Variants in NSMCE1 observed in about 807,000 individuals in gnomAD.
The protein encoded by NSMCE1 is NSE1 component of SMC5/6 complex.
In NSMCE1, 18 loss-of-function variants were observed where a neutral mutation model predicts 29.6. That is an observed-to-expected ratio of 0.61 (90% CI 0.42 to 0.90). NSMCE1 has a LOEUF of 0.90. Ranked by LOEUF, NSMCE1 falls within the 40% of genes least tolerant of loss-of-function variation. NSMCE1 has a pLI of 0.00. For synonymous variants in NSMCE1, 124 were observed against 133.4 expected (o/e 0.93, Z 0.49); for missense variants, 314 against 343.6 (o/e 0.91, Z 0.68).
At chr16:27,256,020 A>C (rs1316326552) in intron 2 of NSMCE1, among the ~76,000 whole-genome samples, 1 of 152,132 alleles carries the variant, frequency 6.6e-6, no homozygotes, top group Non-Finnish European at 1.5e-5. Flanking sequence ...TTCACAGCTC[A>C]CTGCAAGGAG....
chr16:27,238,370 C>T (rs1199863339), intron 2 of NSMCE1, among the ~76,000 whole-genome samples: 8 of 152,222 alleles, frequency 5.3e-5, no homozygotes, highest in Non-Finnish European at 1.0e-4. Context: ...CAGGCCTTCC[C>T]CAACCAGATA....
rs540027035 is a variant in NSMCE1, at chr16:27,235,181, C to T, written c.255G>A (p.Ala85=). Residue 85 remains alanine (A), a synonymous_variant, in exon 3 of 8, where the codon GCG becomes GCA. Transcript: ENST00000361439. ...GAGGGCTCTGCCGGGCACTCACCAA[C>T]GCATAAATGGGTCTCCCATCATCTT... ...VTEDDGRPIY[A]LVNLATTSIS... is the part of the protein sequence containing the mutation. The T allele has an allele frequency of 4.5e-5, 72 of 1,613,784 alleles. No individual in the cohort carries two copies. Among genetic ancestry groups the T allele is most frequent in the East Asian group, 3.6e-4 (16 of 44,876 alleles).
Position 27,257,584 on chromosome 16 carries a change from G to A in NSMCE1, c.-11-3C>T, listed in dbSNP as rs775267259. On this transcript the variant is annotated splice_region_variant and splice_polypyrimidine_tract_variant and intron_variant, in intron 1 of 7. Transcript: ENST00000361439. ...GCTGCCCTGCATGTGGGAACGAACT[G>A]AAAAGGAAGTAAATGACACTAGTCA... is the stretch of plus-strand genomic sequence containing the variant. 1 of 1,605,848 alleles carries A rather than the reference G, an allele frequency of 6.2e-7. No homozygotes were observed. Among genetic ancestry groups the A allele is most frequent in the South Asian group, 1.1e-5 (1 of 90,040 alleles).
At chr16:27,226,125 G>A (rs746046284) in intron 6 of NSMCE1, 21 of 324,850 alleles carry the variant, frequency 6.5e-5, no homozygotes, top group Non-Finnish European at 9.2e-5. Flanking sequence ...TGCAGGTGGC[G>A]TGTGGACAGC....
At chr16:27,263,280 C>T (rs1567285947) in intron 1 of NSMCE1, among the ~76,000 whole-genome samples, 1 of 152,156 alleles carries the variant, frequency 6.6e-6, no homozygotes, top group Non-Finnish European at 1.5e-5. Context: ...GAAGCAAAGA[C>T]ATGGAATCAA....
intron 5 of NSMCE1, among the ~76,000 whole-genome samples, 187 bp from the exon 6 acceptor site, chr16:27,227,023 G>A (rs997791360): frequency 6.6e-6 from 1 of 152,222 alleles, no homozygotes; most frequent in African/African-American, 2.4e-5. Context: ...GGAAACTGAG[G>A]CAAAGACCCT....
rs969049721 is a variant in NSMCE1 at position 27,225,065 on chromosome 16, C to T, written c.*92G>A. The T allele has an allele frequency of 2.9e-5, 21 of 730,264 alleles. No individual in the cohort carries two copies. The highest frequency in any genetic ancestry group is 8.8e-5 in the African/African-American group (5 of 56,998). The allele number at this position is 730,264 out of a possible 1,614,324, so 45.2% of individuals were successfully genotyped here. On this transcript the variant is annotated 3_prime_UTR_variant, in exon 8 of 8. Transcript: ENST00000361439. ...ACATTAAGACGAAAGAGGTGACTCGCGTGGAACCTGAAACACGGACGCCTT... is the reference window on the plus strand; with the variant it reads ...ACATTAAGACGAAAGAGGTGACTCGTGTGGAACCTGAAACACGGACGCCTT...
chr16:27,251,207 T>TATATATATATATATATAA (rs1555477430), intron 2 of NSMCE1, among the ~76,000 whole-genome samples: 15 of 70,762 alleles, frequency 2.1e-4, no homozygotes, highest in Non-Finnish European at 3.8e-4. Context: ...TATATATATA[T>TATATATATATATATATAA]AAAACTCTGT....
In NSMCE1 at chr16:27,226,707, G is replaced by A. The variant is rs1225349597; in HGVS notation, c.600+13C>T. 1.3e-6 allele frequency: 2 copies of A among 1,570,940 alleles called. No individual in the cohort carries two copies. The highest frequency in any genetic ancestry group is 3.3e-5 in the Admixed American group (2 of 59,920). On this transcript the variant is annotated intron_variant, in intron 6 of 7. Coordinates refer to ENST00000361439, the MANE Select transcript of NSMCE1 (RefSeq NM_145080.4). ...GCCCAGTGATGAGCTCCCGTGCCCT[G>A]CCCTGCGGGTACCTGGATGAGGAGG...
chr16:27,247,478 C>T lies in NSMCE1; in HGVS notation c.136+9957G>A, dbSNP rs910144266. ...GTTTTGGGTATGTCTTTATTAGCAGCGCGAGAACGGACTAATACACTCACC... is the reference window on the plus strand; with the variant it reads ...GTTTTGGGTATGTCTTTATTAGCAGTGCGAGAACGGACTAATACACTCACC... On this transcript the variant is annotated intron_variant, in intron 2 of 7. Transcript: ENST00000361439. Among the ~76,000 whole-genome samples, 8 of 152,134 alleles carry T rather than the reference C, an allele frequency of 5.3e-5. No homozygotes were observed. In the South Asian group the frequency reaches 1.4e-3, roughly 28 times the overall value.
At chr16:27,259,534 T>C (rs1313791753) in intron 1 of NSMCE1, among the ~76,000 whole-genome samples, 1 of 152,030 alleles carries the variant, frequency 6.6e-6, no homozygotes, top group African/African-American at 2.4e-5. Flanking sequence ...CCTAGCTGTG[T>C]TTTAGGGAGA....
intron 2 of NSMCE1, among the ~76,000 whole-genome samples, chr16:27,237,891 T>C (rs146652761): frequency 1.8e-4 from 27 of 152,244 alleles, no homozygotes; most frequent in African/African-American, 5.5e-4. Context: ...CCTCCTACTG[T>C]ACTCGCTCAC....
At chr16:27,251,205 T>A (rs4238951) in intron 2 of NSMCE1, among the ~76,000 whole-genome samples, 19 of 69,390 alleles carry the variant, frequency 2.7e-4, no homozygotes, top group African/African-American at 1.4e-3. Context: ...TATATATATA[T>A]ATAAAACTCT....
At chr16:27,225,448 C>A (rs1012007126) in intron 7 of NSMCE1, among the ~76,000 whole-genome samples, 2 of 152,238 alleles carry the variant, frequency 1.3e-5, no homozygotes, top group African/African-American at 4.8e-5. Flanking sequence ...ATAGCTTTCA[C>A]GTCCCCCTCC....
intron 2 of NSMCE1, among the ~76,000 whole-genome samples, chr16:27,252,536 A>G (rs750040518): frequency 8.6e-5 from 13 of 151,900 alleles, no homozygotes; most frequent in Non-Finnish European, 1.6e-4. Context: ...GAATCCCAAC[A>G]TTTTGGAAGG....
intron 2 of NSMCE1, among the ~76,000 whole-genome samples, chr16:27,246,005 T>C (rs1329120878): frequency 1.3e-5 from 2 of 152,146 alleles, no homozygotes; most frequent in African/African-American, 4.8e-5. Context: ...TGATTCACCA[T>C]CAACGCACGT....
chr16:27,237,048 G>T (rs988530255), intron 2 of NSMCE1, among the ~76,000 whole-genome samples: 1 of 152,232 alleles, frequency 6.6e-6, no homozygotes, highest in African/African-American at 2.4e-5. Context: ...CTCTGTCAGA[G>T]GATCAGACTG....
At chr16:27,242,163 T>C (rs895582062) in intron 2 of NSMCE1, among the ~76,000 whole-genome samples, 2 of 152,196 alleles carry the variant, frequency 1.3e-5, no homozygotes, top group Admixed American at 6.5e-5. Flanking sequence ...TTTTCCATAA[T>C]AAAATGTTGT....
At chr16:27,256,845 T>C (rs533612282) in intron 2 of NSMCE1, among the ~76,000 whole-genome samples, 1 of 152,346 alleles carries the variant, frequency 6.6e-6, no homozygotes, top group East Asian at 1.9e-4. Flanking sequence ...AGTGTTGTGC[T>C]AAGCTCCCCC....
Sources: gnomAD v4.1 joint callset for allele counts (sites outside exome capture counted in the v4.1 genomes callset) on GRCh38, gnomAD v4.1.1 for gene constraint, MANE v1.5 for transcripts, NCBI Gene and HGNC (gene_info 2026-07-23, HGNC 2026-07-21) for gene names.